The following DAPK1 variants were observed in gnomAD, a reference collection of about 807,000 sequenced individuals.
The protein encoded by DAPK1 is death-associated protein kinase 1.
In DAPK1, 56 loss-of-function variants were observed where a neutral mutation model predicts 144.9. The ratio of observed to expected loss-of-function variants is 0.39; its 90% CI spans 0.31 to 0.48. The LOEUF is 0.48. DAPK1 is among the 20% of genes least tolerant of loss of function. DAPK1 has a pLI of 0.95. For synonymous variants in DAPK1, 690 were observed against 749.0 expected, an observed-to-expected ratio of 0.92 and a Z score of 1.29; for missense variants, 1,454 against 1,875.4, an observed-to-expected ratio of 0.78 and a Z score of 4.15.
In DAPK1 at chr9:87,698,801, G is replaced by A. The variant is rs1462211691; in HGVS notation, c.2750+7G>A. On this transcript the variant is annotated splice_region_variant and intron_variant, in intron 23 of 25. Coordinates refer to ENST00000408954, the MANE Select transcript of DAPK1 (RefSeq NM_004938.4). ...TGAAAGAGATTAGGAACAGGTGAGG[G>A]GCAGCCACTTAGTCTCCAGCTCACG... 2 of 1,591,424 alleles carry A rather than the reference G, an allele frequency of 1.3e-6. No individual in the cohort carries two copies. The highest frequency in any genetic ancestry group is 1.7e-6 in the Non-Finnish European group (2 of 1,159,664).
chr9:87,609,844 C>T (rs1414703846), intron 3 of DAPK1, among the ~76,000 whole-genome samples: 8 of 152,194 alleles, frequency 5.3e-5, no homozygotes, highest in African/African-American at 1.9e-4. Context: ...AAGTCCACGG[C>T]AAGTCGAACT....
chr9:87,582,922 A>G (rs1827802546), intron 2 of DAPK1, among the ~76,000 whole-genome samples: 1 of 152,032 alleles, frequency 6.6e-6, no homozygotes, highest in Admixed American at 6.6e-5. Flanking sequence ...TCAGAACCAC[A>G]GGAGCAGCAG....
At chr9:87,635,506 G>A (rs377691355) in intron 3 of DAPK1, among the ~76,000 whole-genome samples, 2 of 152,100 alleles carry the variant, frequency 1.3e-5, no homozygotes, top group South Asian at 2.1e-4. Flanking sequence ...TTCTTCCTGG[G>A]AAGCACAGTG....
At chr9:87,522,438 G>T (rs1178664186) in intron 2 of DAPK1, among the ~76,000 whole-genome samples, 1 of 151,946 alleles carries the variant, frequency 6.6e-6, no homozygotes, top group Admixed American at 6.6e-5. Context: ...TTCTGCCTTT[G>T]GCTTTTTTGT....
intron 2 of DAPK1, among the ~76,000 whole-genome samples, chr9:87,549,834 T>C (rs1826408453): frequency 6.6e-6 from 1 of 152,230 alleles, no homozygotes; most frequent in African/African-American, 2.4e-5. Flanking sequence ...GAAAAAAGTA[T>C]CATGAATACC....
At chr9:87,589,863 T>C (rs1828063816) in intron 2 of DAPK1, among the ~76,000 whole-genome samples, 1 of 152,148 alleles carries the variant, frequency 6.6e-6, no homozygotes, top group Admixed American at 6.5e-5. Flanking sequence ...GAGCCTGCAC[T>C]CCACTCACCA....
intron 19 of DAPK1, among the ~76,000 whole-genome samples, chr9:87,671,726 G>T (rs895048985): frequency 1.3e-5 from 2 of 152,172 alleles, no homozygotes; most frequent in Non-Finnish European, 2.9e-5. Context: ...CATTGCCCAG[G>T]CTGTCTCTAA....
chr9:87,639,234 C>G, intron 4 of DAPK1, 120 bp from the exon 5 acceptor site: 1 of 923,288 alleles, frequency 1.1e-6, no homozygotes, highest in Non-Finnish European at 1.6e-6. Context: ...TCTCTTCCAA[C>G]CACCCTTTCT....
chr9:87,558,521 C>CGT (rs1554682240), intron 2 of DAPK1, among the ~76,000 whole-genome samples: 1 of 151,958 alleles, frequency 6.6e-6, no homozygotes, highest in African/African-American at 2.4e-5. Flanking sequence ...CACACACACA[C>CGT]AGCCGTGTGA....
chr9:87,664,746 C>T (rs768940072), intron 18 of DAPK1, among the ~76,000 whole-genome samples: 3 of 152,192 alleles, frequency 2.0e-5, no homozygotes, highest in African/African-American at 7.2e-5. Context: ...CCTGGTCAGA[C>T]GTAAGTGAGA....
At chr9:87,537,281 C>T (rs1825891982) in intron 2 of DAPK1, among the ~76,000 whole-genome samples, 1 of 152,194 alleles carries the variant, frequency 6.6e-6, no homozygotes, top group South Asian at 2.1e-4. Context: ...CCACCGCATC[C>T]AGCCCCTATG....
intron 2 of DAPK1, among the ~76,000 whole-genome samples, chr9:87,571,448 CACACACACACACACACACACACACACCA>C (rs1827329168): frequency 2.0e-5 from 1 of 51,136 alleles, no homozygotes; most frequent in African/African-American, 1.2e-4. Flanking sequence ...CACACACACA[CACACACACACACACACACACACACACCA>C]ACACACACAC....
intron 2 of DAPK1, among the ~76,000 whole-genome samples, chr9:87,537,040 T>C (rs1430788527): frequency 2.6e-5 from 4 of 151,232 alleles, no homozygotes; most frequent in Admixed American, 1.3e-4. Context: ...CAGTCTGGAG[T>C]GCGATGGCCC....
At chr9:87,675,021 C>T (rs10868644) in intron 19 of DAPK1, among the ~76,000 whole-genome samples, 23,376 of 152,130 alleles carry the variant, frequency 0.15, 2,216 homozygotes, top group East Asian at 0.27. Context: ...CGGCAGAACC[C>T]AGCCAAGAAA....
chr9:87,707,170 A>G lies in DAPK1; in HGVS notation c.4099A>G (p.Thr1367Ala), dbSNP rs1354151908. The change falls in exon 26 of 26, where the codon ACC becomes GCC. Residue 1367 changes from threonine to alanine, a missense_variant. This residue lies in a region of DAPK1 where 1,025 missense variants were observed against 1,237.9 expected (regional missense o/e 0.83). Coordinates refer to ENST00000408954, the MANE Select transcript of DAPK1 (RefSeq NM_004938.4). The surrounding 1 kb of genome is among the most constrained non-coding windows in gnomAD (Gnocchi z 4.0). ...PLHALLREWT[T>A]YPESTVGTLM... ...CCACGCCCTGCTGCGGGAATGGACC[A>G]CCTACCCTGAGAGCACAGTGGGCAC... 17 of 1,613,872 alleles carry G rather than the reference A, an allele frequency of 1.1e-5. No individual in the cohort carries two copies. The highest frequency in any genetic ancestry group is 1.4e-5 in the Non-Finnish European group (17 of 1,179,828).
In DAPK1 at chr9:87,659,163, C is replaced by T. The variant is rs562414813; in HGVS notation, c.1923+1036C>T. Reference sequence around the variant, plus strand: ...CGCTGGGGCTAGGATGTCGCCTCCCCGAATGCACTCATGTTACTGGGATGT... The same window carrying T: ...CGCTGGGGCTAGGATGTCGCCTCCCTGAATGCACTCATGTTACTGGGATGT... On this transcript the variant is annotated intron_variant, in intron 18 of 25. Transcript: ENST00000408954. 2.6e-4 allele frequency among the ~76,000 whole-genome samples: 40 copies of T among 152,300 alleles called. No individual in the cohort carries two copies. The East Asian group carries it at 5.6e-3, about 21-fold the overall frequency.
intron 2 of DAPK1, among the ~76,000 whole-genome samples, chr9:87,574,383 G>A (rs772185893): frequency 3.9e-5 from 6 of 152,146 alleles, no homozygotes; most frequent in Admixed American, 2.0e-4. Flanking sequence ...GGGTCTTAAG[G>A]TCATTCAAAC....
rs574406673 is a variant in DAPK1 at position 87,662,569 on chromosome 9, T to TG, written c.1923+4442_1923+4443insG. Reference sequence around the variant, plus strand: ...GTTAAATATATTCCTAGTTTTTTTTTTTTTTTTTTTTTTTTTGGTAGCTAT... The same window carrying TG: ...GTTAAATATATTCCTAGTTTTTTTTTGTTTTTTTTTTTTTTTTGGTAGCTAT... On this transcript the variant is annotated intron_variant, in intron 18 of 25. Transcript: ENST00000408954. Among the ~76,000 whole-genome samples the TG allele has an allele frequency of 8.8e-4, 118 of 133,846 alleles. 4 individuals carry two copies. The highest frequency in any genetic ancestry group is 3.2e-3 in the African/African-American group (116 of 36,312). The allele number at this position is 133,846 out of a possible 152,430, so 87.8% of individuals were successfully genotyped here. A position where few individuals can be genotyped will look rare whatever the true frequency, so the allele number is the denominator to read the frequency against.
intron 15 of DAPK1, among the ~76,000 whole-genome samples, chr9:87,649,694 G>A (rs1360812618): frequency 1.3e-5 from 2 of 152,084 alleles, no homozygotes; most frequent in African/African-American, 4.8e-5. Flanking sequence ...TGTTGAGGAA[G>A]GAAAACTAAT....
Sources: allele counts gnomAD v4.1 joint callset (sites outside exome capture counted in the v4.1 genomes callset), GRCh38; gene constraint gnomAD v4.1.1; regional missense constraint gnomAD v4.1.1; non-coding constraint Gnocchi (gnomAD v3.1); transcripts MANE v1.5; gene names NCBI Gene and HGNC (gene_info 2026-07-23, HGNC 2026-07-21).